Variants in CDH18 observed in about 807,000 individuals in gnomAD.
The protein encoded by CDH18 is cadherin-18.
In CDH18, 31 loss-of-function variants were observed where a neutral mutation model predicts 67.9. The observed-to-expected ratio is 0.46, with a 90% CI of 0.34 to 0.62. The LOEUF (loss-of-function observed/expected upper bound fraction) is 0.62. Ranked by LOEUF, CDH18 falls within the 20% of genes least tolerant of loss-of-function variation. The pLI is 0.01. For synonymous variants in CDH18, 362 were observed against 347.2 expected, an observed-to-expected ratio of 1.04 and a Z score of -0.48; for missense variants, 890 against 975.5, an observed-to-expected ratio of 0.91 and a Z score of 1.17.
At chr5:19,983,761 C>T (rs796873895) in intron 1 of CDH18, among the ~76,000 whole-genome samples, 39 of 152,268 alleles carry the variant, frequency 2.6e-4, no homozygotes, top group African/African-American at 7.7e-4. Context: ...TTTCCTGGAA[C>T]GTGTACCACA....
At chr5:20,023,516 G>A (rs924671965) in intron 2 of CDH18, among the ~76,000 whole-genome samples, 9 of 151,984 alleles carry the variant, frequency 5.9e-5, no homozygotes, top group East Asian at 3.9e-4. Flanking sequence ...AGAAATAGCC[G>A]GGCGTGGTGG....
In CDH18 at chr5:19,663,935, G is replaced by A. The variant is rs190587492; in HGVS notation, c.644-51334C>T. On this transcript the variant is annotated intron_variant, in intron 5 of 12. Transcript: ENST00000382275. Reference sequence around the variant, plus strand: ...AGTTACACATGTAGTTTAGGAAATTGTTAAGAGGAAAAAAGTTTAAATAGA... The same window carrying A: ...AGTTACACATGTAGTTTAGGAAATTATTAAGAGGAAAAAAGTTTAAATAGA... Among the ~76,000 whole-genome samples the A allele has an allele frequency of 2.0e-5, 3 of 151,380 alleles. No homozygotes were observed. The East Asian group carries it at 5.8e-4, about 29-fold the overall frequency.
At chr5:19,964,647 C>CA (rs10719096) in intron 2 of CDH18, among the ~76,000 whole-genome samples, 5,916 of 77,116 alleles carry the variant, frequency 0.077, 396 homozygotes, top group East Asian at 0.41. Context: ...GGCCCTGTAT[C>CA]AAAAAAAAAA....
intron 1 of CDH18, among the ~76,000 whole-genome samples, chr5:20,460,901 A>C (rs1321186786): frequency 6.6e-6 from 1 of 152,220 alleles, no homozygotes; most frequent in Admixed American, 6.5e-5. Context: ...TGAGTAACTT[A>C]ACTGAGTACA....
intron 7 of CDH18, among the ~76,000 whole-genome samples, chr5:19,579,707 AC>A (rs1742912517): frequency 6.6e-6 from 1 of 151,698 alleles, no homozygotes. Context: ...TTTTTTTTAA[AC>A]TTACAATCCT....
chr5:19,503,538 C>T (rs1479263963), intron 10 of CDH18, among the ~76,000 whole-genome samples: 4 of 152,048 alleles, frequency 2.6e-5, no homozygotes, highest in African/African-American at 4.8e-5. Context: ...ACAGTGGAGT[C>T]TTGGTTTTAT....
intron 6 of CDH18, among the ~76,000 whole-genome samples, chr5:19,593,562 C>A (rs912386326): frequency 4.0e-5 from 6 of 151,176 alleles, no homozygotes; most frequent in Non-Finnish European, 8.9e-5. Flanking sequence ...TCTCCTCCTC[C>A]CTTTCTTTCC....
intron 2 of CDH18, among the ~76,000 whole-genome samples, chr5:20,231,597 T>C (rs1327002603): frequency 1.4e-5 from 2 of 145,514 alleles, no homozygotes; most frequent in Non-Finnish European, 3.0e-5. Flanking sequence ...TGAAACTCCA[T>C]CTCAAAAAGA....
At chr5:20,122,196 A>G (rs1748415594) in intron 2 of CDH18, among the ~76,000 whole-genome samples, 1 of 152,214 alleles carries the variant, frequency 6.6e-6, no homozygotes, top group South Asian at 2.1e-4. Flanking sequence ...AACGCTATCC[A>G]CAGATGCATG....
chr5:19,789,540 C>T (rs771020118), intron 3 of CDH18, among the ~76,000 whole-genome samples: 47 of 152,072 alleles, frequency 3.1e-4, no homozygotes, highest in Admixed American at 1.3e-4. Context: ...TTGGCTACAT[C>T]TTATAGACAA....
At chr5:20,283,991 A>C (rs1277874313) in intron 1 of CDH18, among the ~76,000 whole-genome samples, 1 of 152,044 alleles carries the variant, frequency 6.6e-6, no homozygotes, top group Non-Finnish European at 1.5e-5. Flanking sequence ...AAATAAGCCA[A>C]GCACGGAAAG....
chr5:19,886,844 T>C (rs984657730), intron 2 of CDH18, among the ~76,000 whole-genome samples: 3 of 152,208 alleles, frequency 2.0e-5, no homozygotes, highest in Non-Finnish European at 2.9e-5. Flanking sequence ...TTATGTCATA[T>C]GATATACTAT....
At chr5:20,206,100 G>C (rs1739861297) in intron 2 of CDH18, among the ~76,000 whole-genome samples, 1 of 151,662 alleles carries the variant, frequency 6.6e-6, no homozygotes. Context: ...CTTTCAGCTA[G>C]ACAAACTTTA....
chr5:20,076,675 A>T (rs1210736693), intron 2 of CDH18, among the ~76,000 whole-genome samples: 2 of 152,274 alleles, frequency 1.3e-5, no homozygotes, highest in South Asian at 2.1e-4. Context: ...TGAGTATTTG[A>T]TATCCCAACA....
chr5:19,791,144 G>C (rs1474344070), intron 3 of CDH18, among the ~76,000 whole-genome samples: 1 of 152,046 alleles, frequency 6.6e-6, no homozygotes, highest in Non-Finnish European at 1.5e-5. Context: ...GCTCATGAAA[G>C]AGTTTGAGAT....
intron 2 of CDH18, among the ~76,000 whole-genome samples, chr5:19,880,302 A>G (rs1415518762): frequency 6.6e-6 from 1 of 152,100 alleles, no homozygotes; most frequent in East Asian, 1.9e-4. Flanking sequence ...ATATTAAATT[A>G]CATTTTATTT....
chr5:19,586,806 C>T (rs1015706612), intron 7 of CDH18, among the ~76,000 whole-genome samples: 14 of 152,150 alleles, frequency 9.2e-5, no homozygotes, highest in African/African-American at 3.1e-4. Flanking sequence ...AACGGTTGAA[C>T]TAATTTACAC....
In CDH18 at chr5:20,507,167, C is replaced by T. The variant is rs566872149; in HGVS notation, c.-580+68295G>A. 6.6e-5 allele frequency among the ~76,000 whole-genome samples: 10 copies of T among 152,308 alleles called. No homozygotes were observed. The East Asian group carries it at 1.7e-3, about 26-fold the overall frequency. ...ATTCTCCAATCCAGTTTTGAGCCAG[C>T]CCAGTGACAACACATACAGCACAAA... On this transcript the variant is annotated intron_variant, in intron 1 of 14. Transcript: ENST00000507958.
intron 3 of CDH18, among the ~76,000 whole-genome samples, chr5:19,760,093 C>T (rs1005587936): frequency 6.6e-6 from 1 of 152,164 alleles, no homozygotes; most frequent in Non-Finnish European, 1.5e-5. Flanking sequence ...TTTGCGTCTG[C>T]TGTCCATTAT....
Sources: gnomAD v4.1 joint callset for allele counts (sites outside exome capture counted in the v4.1 genomes callset) on GRCh38, gnomAD v4.1.1 for gene constraint, MANE v1.5 for transcripts, NCBI Gene and HGNC (gene_info 2026-07-23, HGNC 2026-07-21) for gene names.